The following VTI1A variants were observed in gnomAD, a reference collection of about 807,000 sequenced individuals.
VTI1A encodes vesicle transport through interaction with t-SNAREs homolog 1A.
In VTI1A, 22 loss-of-function variants were observed where a neutral mutation model predicts 34.9. The ratio of observed to expected loss-of-function variants is 0.63; its 90% confidence interval spans 0.45 to 0.90. The LOEUF (loss-of-function observed/expected upper bound fraction) is 0.90, where lower values mean the gene tolerates loss of function less well. Among genes scored for constraint, VTI1A ranks in the 40% least tolerant of loss-of-function variants. The pLI is 0.00. For synonymous variants in VTI1A, 87 were observed against 97.3 expected, an observed-to-expected ratio of 0.89 and a Z score of 0.62; for missense variants, 268 against 275.6, an observed-to-expected ratio of 0.97 and a Z score of 0.20.
chr10:112,527,325 T>C (rs1850269311), intron 4 of VTI1A, 161 bp downstream of exon 4: 2 of 508,166 alleles, frequency 3.9e-6, no homozygotes, highest in Non-Finnish European at 7.0e-6. Flanking sequence ...TCAAAATGTT[T>C]CTTGGAGATC....
At position 112,651,913 on chromosome 10, in the gene VTI1A, C is replaced by T. The variant is rs564552985; in HGVS notation, c.428-16305C>T. On this transcript the variant is annotated intron_variant, in intron 5 of 7. Transcript: ENST00000393077. The stretch of plus-strand genomic sequence containing the variant: ...TACTTGGTATATTTCTGCAAACTTC[C>T]GCAGAACGTTAGCCTCAGCCAGAAA... 1.4e-4 allele frequency among the ~76,000 whole-genome samples: 21 copies of T among 152,220 alleles called. No homozygotes were observed. In the East Asian group the frequency reaches 1.5e-3, roughly 11 times the overall value.
chr10:112,766,271 G>A (rs1018324603), intron 7 of VTI1A, among the ~76,000 whole-genome samples: 1 of 152,222 alleles, frequency 6.6e-6, no homozygotes, highest in African/African-American at 2.4e-5. Context: ...TGCAACAAGT[G>A]TGGAAATTAT....
chr10:112,640,903 C>T (rs961677599), intron 5 of VTI1A, among the ~76,000 whole-genome samples: 2 of 152,110 alleles, frequency 1.3e-5, no homozygotes, highest in African/African-American at 2.4e-5. Flanking sequence ...TCCAGAAAGA[C>T]GTTGATGGAT....
intron 3 of VTI1A, among the ~76,000 whole-genome samples, chr10:112,523,891 A>G (rs988726196): frequency 2.6e-4 from 40 of 152,188 alleles, no homozygotes; most frequent in African/African-American, 9.4e-4. Context: ...GCATTTGGCT[A>G]AAGTACGAAT....
At chr10:112,605,360 C>A (rs1845037424) in intron 5 of VTI1A, among the ~76,000 whole-genome samples, 1 of 152,188 alleles carries the variant, frequency 6.6e-6, no homozygotes, top group African/African-American at 2.4e-5. Context: ...ACCAACAAGT[C>A]ACCTAAGAGG....
intron 5 of VTI1A, among the ~76,000 whole-genome samples, chr10:112,624,961 A>G (rs1845867296): frequency 6.6e-6 from 1 of 152,116 alleles, no homozygotes; most frequent in South Asian, 2.1e-4. Flanking sequence ...AGCCAGGCAC[A>G]GTGGCACACA....
intron 5 of VTI1A, among the ~76,000 whole-genome samples, chr10:112,557,985 G>A (rs1033413050): frequency 3.9e-5 from 6 of 152,188 alleles, no homozygotes; most frequent in Non-Finnish European, 5.9e-5. Flanking sequence ...TAGAAAAGGC[G>A]TGGTTTGAAA....
chr10:112,814,931 G>A (rs1008533500), intron 7 of VTI1A, among the ~76,000 whole-genome samples: 1 of 151,886 alleles, frequency 6.6e-6, no homozygotes, highest in Non-Finnish European at 1.5e-5. Flanking sequence ...GGCTTGTCTC[G>A]CCTTTTAAAT....
chr10:112,619,695 A>C (rs1484062143), intron 5 of VTI1A, among the ~76,000 whole-genome samples: 2 of 152,128 alleles, frequency 1.3e-5, no homozygotes, highest in Non-Finnish European at 2.9e-5. Flanking sequence ...CAGCTGGGGG[A>C]GGAATGTCTG....
At chr10:112,581,279 C>T (rs1032001905) in intron 5 of VTI1A, among the ~76,000 whole-genome samples, 2 of 152,198 alleles carry the variant, frequency 1.3e-5, no homozygotes, top group Non-Finnish European at 2.9e-5. Flanking sequence ...CCCTCCCTTC[C>T]CATATTCAAG....
chr10:112,703,172 G>T (rs2133904098), intron 7 of VTI1A, among the ~76,000 whole-genome samples: 1 of 151,668 alleles, frequency 6.6e-6, no homozygotes, highest in East Asian at 1.9e-4. Context: ...AGATTGATTT[G>T]CCCTTGATAT....
chr10:112,663,803 C>T (rs749684505), intron 5 of VTI1A, among the ~76,000 whole-genome samples: 19 of 152,250 alleles, frequency 1.2e-4, no homozygotes, highest in South Asian at 4.2e-4. Context: ...CATTAGACTC[C>T]GTGGCCAGAA....
At chr10:112,490,908 A>G (rs902367411) in intron 3 of VTI1A, among the ~76,000 whole-genome samples, 2 of 152,184 alleles carry the variant, frequency 1.3e-5, no homozygotes, top group Non-Finnish European at 2.9e-5. Context: ...CACTTAAAAT[A>G]GGAACACAAA....
At chr10:112,814,921 G>A (rs1000379436) in intron 7 of VTI1A, among the ~76,000 whole-genome samples, 1 of 152,082 alleles carries the variant, frequency 6.6e-6, no homozygotes, top group Non-Finnish European at 1.5e-5. Flanking sequence ...CAAAAAATGA[G>A]GCTTGTCTCG....
chr10:112,844,912 C>A, the VTI1A span, among the ~76,000 whole-genome samples: 3 of 152,114 alleles, frequency 2.0e-5, no homozygotes, highest in Non-Finnish European at 4.4e-5. Flanking sequence ...CAGGAGGAAC[C>A]ATTCACATAG....
At chr10:112,478,355 G>A (rs1848348195) in intron 3 of VTI1A, among the ~76,000 whole-genome samples, 1 of 152,156 alleles carries the variant, frequency 6.6e-6, no homozygotes, top group Admixed American at 6.5e-5. Flanking sequence ...GAAAATGCGA[G>A]GGTCAAATAG....
chr10:112,449,835 A>G (rs555067875), intron 1 of VTI1A: 3 of 152,366 alleles, frequency 2.0e-5, no homozygotes, highest in Non-Finnish European at 2.9e-5. Flanking sequence ...CTTCATTACA[A>G]TTGAAAGGAG....
intron 5 of VTI1A, among the ~76,000 whole-genome samples, chr10:112,632,316 T>A (rs1299158404): frequency 6.6e-6 from 1 of 152,208 alleles, no homozygotes; most frequent in Middle Eastern, 3.2e-3. Context: ...ACAAAGTATT[T>A]TTGTGTGGCT....
At position 112,558,039 on chromosome 10, in the gene VTI1A, G is replaced by A. The variant is rs530328312; in HGVS notation, c.427+19709G>A. 1.7e-4 allele frequency among the ~76,000 whole-genome samples: 26 copies of A among 152,298 alleles called. No individual in the cohort carries two copies. The South Asian group carries it at 4.3e-3, about 25-fold the overall frequency. ...ATTGAAGAAGAAAATACGCATGCAC[G>A]TGTGTCTGTAGCCACCCACCCCTCA... On this transcript the variant is annotated intron_variant, in intron 5 of 7. Coordinates refer to ENST00000393077, the MANE Select transcript of VTI1A (RefSeq NM_145206.4).
Sources: gnomAD v4.1 joint callset for allele counts (sites outside exome capture counted in the v4.1 genomes callset) on GRCh38, gnomAD v4.1.1 for gene constraint, MANE v1.5 for transcripts, NCBI Gene and HGNC (gene_info 2026-07-23, HGNC 2026-07-21) for gene names.